Variants in TAAR5 observed in about 807,000 individuals in gnomAD.
TAAR5 encodes trace amine associated receptor 5, also known as trace amine-associated receptor 5.
TAAR5 carries 27 observed loss-of-function variants against 21.1 expected under a neutral mutation model. The observed-to-expected ratio is 1.28, with a 90% CI of 0.94 to 1.76. The LOEUF is 1.76. Among genes scored for constraint, TAAR5 ranks in the 40% most tolerant of loss-of-function variants. The pLI is 0.00. For missense variants in TAAR5, 495 were observed against 405.6 expected (o/e 1.22, Z -1.89); for synonymous variants, 203 against 167.5 (o/e 1.21, Z -1.64).
chr6:132,599,220 A>G, the TAAR5 span, among the ~76,000 whole-genome samples: 2 of 152,140 alleles, frequency 1.3e-5, no homozygotes, highest in South Asian at 4.1e-4. Context: ...TCCAGACACT[A>G]AGCTTCAAGG....
At chr6:132,598,306 C>G in the TAAR5 span, among the ~76,000 whole-genome samples, 2 of 152,084 alleles carry the variant, frequency 1.3e-5, no homozygotes, top group African/African-American at 4.8e-5. Context: ...AAGAAAATGA[C>G]CCAGATTTAT....
chr6:132,591,294 G>C (rs1364761655), upstream of TAAR5, among the ~76,000 whole-genome samples: 1 of 152,130 alleles, frequency 6.6e-6, no homozygotes, highest in Non-Finnish European at 1.5e-5. Flanking sequence ...TGGTTACAGA[G>C]AAACCATTTC....
chr6:132,609,271 A>G, the TAAR5 span: 20 of 319,398 alleles, frequency 6.3e-5, no homozygotes, highest in Non-Finnish European at 6.1e-6. Context: ...TATAAGTTAG[A>G]TCCATGGTGC....
At chr6:132,594,817 C>A in the TAAR5 span, 1 of 152,096 alleles carries the variant, frequency 6.6e-6, no homozygotes. Flanking sequence ...AGAAAGAAAG[C>A]TATAAAGGAG....
upstream of TAAR5, among the ~76,000 whole-genome samples, chr6:132,592,909 A>T (rs1171899244): frequency 1.3e-5 from 2 of 152,112 alleles, no homozygotes; most frequent in African/African-American, 4.8e-5. Context: ...GTGGTCCCAG[A>T]TCTACCACTG....
the TAAR5 span, among the ~76,000 whole-genome samples, chr6:132,601,711 A>T: frequency 2.0e-5 from 3 of 152,212 alleles, no homozygotes; most frequent in Non-Finnish European, 4.4e-5. Context: ...TTTTCAAAAA[A>T]TTTGGCAGGT....
At chr6:132,612,118 C>T in the TAAR5 span, among the ~76,000 whole-genome samples, 1 of 152,062 alleles carries the variant, frequency 6.6e-6, no homozygotes, top group Non-Finnish European at 1.5e-5. Context: ...GCCTGGGCCC[C>T]ATTTGAGCAC....
At chr6:132,601,096 G>A in the TAAR5 span, among the ~76,000 whole-genome samples, 1 of 126,682 alleles carries the variant, frequency 7.9e-6, no homozygotes, top group African/African-American at 2.7e-5. Flanking sequence ...AAGGAGGGAG[G>A]GAAGGAGGGA....
rs765813000 is a variant in TAAR5 at position 132,589,067 on chromosome 6, A to G, written c.620T>C (p.Leu207Ser). The change falls in exon 1 of 1, where the codon TTG (leucine) becomes TCG (serine). Residue 207 changes from leucine to serine, a missense_variant. By Grantham distance (145) the Leu-to-Ser change is moderately radical (BLOSUM62 -2). Coordinates refer to ENST00000258034, the MANE Select transcript of TAAR5 (RefSeq NM_003967.3). ...CATAATGAGGCAGGGGACAAAGAAC[A>G]AAGGGAAGTTTAACCAGCCCCAAAA... ...NKFWGWLNFPLFFVPCLIMIS... is the reference protein window; with the variant it reads ...NKFWGWLNFPSFFVPCLIMIS... 6.2e-7 allele frequency: 1 copy of G among 1,614,146 alleles called. No homozygotes were observed.
the TAAR5 span, among the ~76,000 whole-genome samples, chr6:132,596,325 T>C: frequency 3.3e-5 from 5 of 152,152 alleles, no homozygotes; most frequent in Non-Finnish European, 5.9e-5. Context: ...TTATCCAGAG[T>C]ATGACATGTT....
At chr6:132,593,683 G>A (rs935952307), upstream of TAAR5, among the ~76,000 whole-genome samples, 1 of 152,118 alleles carries the variant, frequency 6.6e-6, no homozygotes, top group African/African-American at 2.4e-5. Context: ...AGACATGGAC[G>A]CATCCCCACT....
the TAAR5 span, among the ~76,000 whole-genome samples, chr6:132,612,231 G>C: frequency 5.9e-5 from 9 of 152,036 alleles, no homozygotes; most frequent in African/African-American, 2.2e-4. Context: ...CATCACCACT[G>C]GATTCTCAGT....
chr6:132,608,976 A>G, the TAAR5 span: 1 of 456,020 alleles, frequency 2.2e-6, no homozygotes, highest in Non-Finnish European at 4.4e-6. Context: ...TACAAAAGCC[A>G]TCCCCAAAGT....
chr6:132,593,477 A>G (rs546109896), upstream of TAAR5, among the ~76,000 whole-genome samples: 5 of 152,156 alleles, frequency 3.3e-5, no homozygotes, highest in Non-Finnish European at 7.4e-5. Context: ...CCCTGAGATA[A>G]TGGTTACTCT....
At chr6:132,599,264 C>T in the TAAR5 span, among the ~76,000 whole-genome samples, 2 of 151,740 alleles carry the variant, frequency 1.3e-5, no homozygotes, top group African/African-American at 4.8e-5. Context: ...TTCATCAACA[C>T]CACACAGTTG....
chr6:132,588,680 TG>T lies in TAAR5; in HGVS notation c.1006del (p.Gln336LysfsTer7). ...TGCATTTAGTAGAAGGAATCATTCT[TG>T]GTACAAATCAACAGTGCGTGTCTGC... is the stretch of plus-strand genomic sequence containing the variant. ...SPQTRTVDLY[Q>X]E On this transcript the variant is annotated frameshift_variant, in exon 1 of 1. Coordinates refer to ENST00000258034, the MANE Select transcript of TAAR5 (RefSeq NM_003967.3). LOFTEE classifies it high-confidence loss of function. The T allele has an allele frequency of 6.2e-7, 1 of 1,610,220 alleles. No homozygotes were observed. The highest frequency in any genetic ancestry group is 8.5e-7 in the Non-Finnish European group (1 of 1,177,712).
the TAAR5 span, among the ~76,000 whole-genome samples, chr6:132,602,382 G>A: frequency 6.6e-6 from 1 of 152,164 alleles, no homozygotes; most frequent in Non-Finnish European, 1.5e-5. Context: ...ATGGGAGACA[G>A]TGACAGATCC....
chr6:132,614,202 C>A, the TAAR5 span, among the ~76,000 whole-genome samples: 1 of 152,148 alleles, frequency 6.6e-6, no homozygotes, highest in Non-Finnish European at 1.5e-5. Context: ...GAATTTAAGA[C>A]TGAAATCTAA....
chr6:132,615,098 A>C, the TAAR5 span, among the ~76,000 whole-genome samples: 3 of 152,092 alleles, frequency 2.0e-5, no homozygotes, highest in Non-Finnish European at 4.4e-5. Flanking sequence ...TCTTGACCTC[A>C]TGATCCGCCT....
Sources: allele counts gnomAD v4.1 joint callset (sites outside exome capture counted in the v4.1 genomes callset), GRCh38; gene constraint gnomAD v4.1.1; transcripts MANE v1.5; gene names NCBI Gene and HGNC (gene_info 2026-07-23, HGNC 2026-07-21).